The following SNTG2 variants were observed in gnomAD, a reference collection of about 807,000 sequenced individuals.
SNTG2 encodes gamma-2-syntrophin.
A neutral mutation model predicts 70.9 loss-of-function variants in SNTG2; 74 were observed. The observed-to-expected ratio is 1.04, with a 90% CI of 0.86 to 1.27. The LOEUF (loss-of-function observed/expected upper bound fraction) is 1.27, where lower values mean the gene tolerates loss of function less well. Among genes scored for constraint, SNTG2 ranks in the 50% most tolerant of loss-of-function variants. SNTG2 has a pLI of 0.00. For missense variants in SNTG2, 717 were observed against 690.7 expected (o/e 1.04, Z -0.43); for synonymous variants, 278 against 273.8 (o/e 1.02, Z -0.15).
At chr2:1,073,920 T>G (rs11893144) in intron 1 of SNTG2, among the ~76,000 whole-genome samples, 1 of 152,158 alleles carries the variant, frequency 6.6e-6, no homozygotes, top group Non-Finnish European at 1.5e-5. Context: ...TAAAAAGATA[T>G]TTTTCCTGAG....
chr2:1,074,107 C>T (rs772611967), intron 1 of SNTG2, among the ~76,000 whole-genome samples: 1 of 152,154 alleles, frequency 6.6e-6, no homozygotes, highest in Admixed American at 6.5e-5. Context: ...TTGAGCATAG[C>T]CAGGTGGAAA....
At chr2:1,098,457 A>C in intron 4 of SNTG2, 47 bp downstream of exon 4, 4 of 1,560,806 alleles carry the variant, frequency 2.6e-6, no homozygotes, top group Non-Finnish European at 3.5e-6. Context: ...GCCATTTGTG[A>C]GATAACAAAT....
chr2:1,106,440 G>T (rs113555777), intron 4 of SNTG2, among the ~76,000 whole-genome samples: 2,524 of 44,056 alleles, frequency 0.057, 1 homozygote, highest in East Asian at 0.095. Flanking sequence ...TAATGGACAC[G>T]TGCTGTCACT....
At chr2:961,082 C>G (rs1660334205) in intron 1 of SNTG2, among the ~76,000 whole-genome samples, 1 of 152,182 alleles carries the variant, frequency 6.6e-6, no homozygotes, top group South Asian at 2.1e-4. Flanking sequence ...AAATCTTTAT[C>G]TTACTGATAT....
intron 8 of SNTG2, among the ~76,000 whole-genome samples, chr2:1,185,119 A>G (rs1487269378): frequency 6.6e-6 from 1 of 152,244 alleles, no homozygotes; most frequent in Non-Finnish European, 1.5e-5. Context: ...CCAAAAGGGC[A>G]GTCAGTAAAT....
chr2:1,339,138 CA>C (rs1659960471), intron 16 of SNTG2, among the ~76,000 whole-genome samples: 1 of 152,116 alleles, frequency 6.6e-6, no homozygotes, highest in African/African-American at 2.4e-5. Context: ...CACATCTTAC[CA>C]TGTGTTAAGG....
At chr2:1,190,495 C>CTATATATATATATATATA (rs72001718) in intron 8 of SNTG2, among the ~76,000 whole-genome samples, 1 of 90,806 alleles carries the variant, frequency 1.1e-5, no homozygotes, top group African/African-American at 4.7e-5. Flanking sequence ...GGAGGGCTGA[C>CTATATATATATATATATA]TATATATATA....
intron 1 of SNTG2, among the ~76,000 whole-genome samples, chr2:1,080,553 C>T (rs1233469306): frequency 6.6e-6 from 1 of 150,810 alleles, no homozygotes; most frequent in Non-Finnish European, 1.5e-5. Context: ...TGCATGCATC[C>T]CTGTATGTGT....
chr2:1,358,581 G>T, intron 16 of SNTG2, among the ~76,000 whole-genome samples: 1 of 152,062 alleles, frequency 6.6e-6, no homozygotes. Context: ...ATATTTTCTA[G>T]TATCCCTCTT....
At chr2:1,365,240 G>A (rs1264832406) in intron 16 of SNTG2, among the ~76,000 whole-genome samples, 2 of 152,176 alleles carry the variant, frequency 1.3e-5, no homozygotes, top group African/African-American at 4.8e-5. Context: ...ACCAGAGTGA[G>A]GGATGCTGGT....
At chr2:1,321,558 C>A (rs150433894) in intron 16 of SNTG2, among the ~76,000 whole-genome samples, 67 of 152,180 alleles carry the variant, frequency 4.4e-4, no homozygotes, top group African/African-American at 1.5e-3. Flanking sequence ...GAGCACCGAT[C>A]GATGCCCACA....
At chr2:1,070,597 G>T (rs1010221148) in intron 1 of SNTG2, among the ~76,000 whole-genome samples, 5 of 152,186 alleles carry the variant, frequency 3.3e-5, no homozygotes, top group Non-Finnish European at 7.3e-5. Flanking sequence ...ACATGCAGCA[G>T]ATTAGAAAGT....
intron 6 of SNTG2, among the ~76,000 whole-genome samples, chr2:1,142,758 C>G (rs1668840673): frequency 6.6e-6 from 1 of 152,182 alleles, no homozygotes; most frequent in African/African-American, 2.4e-5. Context: ...TCCAGTCATT[C>G]AATCCAGAAT....
intron 6 of SNTG2, among the ~76,000 whole-genome samples, chr2:1,150,849 G>T (rs62105993): frequency 0.94 from 142,606 of 152,096 alleles, 66,972 homozygotes; most frequent in Non-Finnish European, 0.97. Flanking sequence ...AGCTGGGGTC[G>T]GCTCTGTCCC....
intron 2 of SNTG2, among the ~76,000 whole-genome samples, chr2:1,088,296 G>A (rs1664805037): frequency 6.6e-6 from 1 of 152,252 alleles, no homozygotes; most frequent in Non-Finnish European, 1.5e-5. Context: ...TCCCAACACA[G>A]AATCTGTTTC....
At chr2:1,018,865 T>C (rs1659999347) in intron 1 of SNTG2, among the ~76,000 whole-genome samples, 1 of 152,180 alleles carries the variant, frequency 6.6e-6, no homozygotes, top group Non-Finnish European at 1.5e-5. Flanking sequence ...CTCAGCAGGG[T>C]TGGCTCCCAG....
At chr2:1,153,001 G>A (rs1669619321) in intron 6 of SNTG2, among the ~76,000 whole-genome samples, 1 of 152,084 alleles carries the variant, frequency 6.6e-6, no homozygotes, top group South Asian at 2.1e-4. Context: ...GCGGGCGCCT[G>A]TGATTCTAGC....
At chr2:1,085,790 C>G (rs1326812317) in intron 2 of SNTG2, among the ~76,000 whole-genome samples, 1 of 152,180 alleles carries the variant, frequency 6.6e-6, no homozygotes, top group Non-Finnish European at 1.5e-5. Flanking sequence ...GACGGGAGAG[C>G]CGGCTTCCTC....
intron 16 of SNTG2, 98 bp from the exon 17 acceptor site, chr2:1,367,237 TGGAGGGAC>T: frequency 1.9e-6 from 2 of 1,053,518 alleles, no homozygotes; most frequent in Admixed American, 3.2e-5. Flanking sequence ...ATTATTTTTT[TGGAGGGAC>T]TTTCTTGGAG....
Sources: allele counts gnomAD v4.1 joint callset (sites outside exome capture counted in the v4.1 genomes callset), GRCh38; gene constraint gnomAD v4.1.1; transcripts MANE v1.5; gene names NCBI Gene and HGNC (gene_info 2026-07-23, HGNC 2026-07-21).